Variants in CDYL observed in about 807,000 individuals in gnomAD.
CDYL encodes the protein chromodomain Y-like protein.
CDYL carries 8 observed loss-of-function variants against 47.3 expected under a neutral mutation model. That is an observed-to-expected ratio of 0.17 (90% CI 0.10 to 0.31). The LOEUF (loss-of-function observed/expected upper bound fraction) is 0.31, where lower values mean the gene tolerates loss of function less well. CDYL is among the 10% of genes least tolerant of loss of function. The pLI, the probability that CDYL is intolerant of heterozygous loss-of-function variation, is 1.00. For missense variants in CDYL, 471 were observed against 701.4 expected, an observed-to-expected ratio of 0.67 and a Z score of 3.71; for synonymous variants, 266 against 265.0, an observed-to-expected ratio of 1.00 and a Z score of -0.04.
rs1308855562 is a variant in CDYL at position 4,708,735 on chromosome 6, T to C, written c.-39+2484T>C. On this transcript the variant is annotated intron_variant, in intron 1 of 8. Transcript: ENST00000328908. The stretch of plus-strand genomic sequence containing the variant: ...TATAACCACCACTAAGGTCAAGAAA[T>C]AGGCTGGGCACAGTGGCTCACACCT... 2.0e-5 allele frequency among the ~76,000 whole-genome samples: 3 copies of C among 152,150 alleles called. No homozygotes were observed. The East Asian group carries it at 5.8e-4, about 29-fold the overall frequency.
chr6:4,941,577 C>T (rs1758361416), intron 4 of CDYL, among the ~76,000 whole-genome samples: 2 of 152,174 alleles, frequency 1.3e-5, no homozygotes, highest in South Asian at 2.1e-4. Context: ...GTGAAGTCAC[C>T]ATTCCAGGCA....
chr6:4,779,913 GTA>G (rs1758564900), intron 1 of CDYL, among the ~76,000 whole-genome samples: 1 of 152,086 alleles, frequency 6.6e-6, no homozygotes, highest in Admixed American at 6.5e-5. Flanking sequence ...AATTCACTTA[GTA>G]TATTTCATAT....
chr6:4,762,645 C>CAAAAAAA (rs1173404314), intron 3 of CDYL, among the ~76,000 whole-genome samples: 1 of 39,650 alleles, frequency 2.5e-5, no homozygotes, highest in African/African-American at 7.7e-5. Context: ...TAAAGGGTAC[C>CAAAAAAA]AAAAAAAAAA....
At chr6:4,718,723 T>C (rs1202042496) in intron 2 of CDYL, 2 of 152,250 alleles carry the variant, frequency 1.3e-5, no homozygotes, top group East Asian at 3.8e-4. Flanking sequence ...TGTTGATTCT[T>C]TTATTTGCAT....
intron 1 of CDYL, among the ~76,000 whole-genome samples, chr6:4,886,340 A>G (rs1413765921): frequency 2.6e-5 from 4 of 152,144 alleles, no homozygotes; most frequent in Non-Finnish European, 5.9e-5. Flanking sequence ...ACCATTTTAC[A>G]TTACCACAAG....
intron 2 of CDYL, among the ~76,000 whole-genome samples, chr6:4,909,882 ACTT>A (rs953090658): frequency 3.3e-5 from 5 of 151,704 alleles, no homozygotes; most frequent in African/African-American, 9.7e-5. Context: ...CAAATTTCAT[ACTT>A]CTTACTGTGG....
chr6:4,948,071 T>C (rs1758584770), intron 5 of CDYL, among the ~76,000 whole-genome samples: 1 of 152,192 alleles, frequency 6.6e-6, no homozygotes, highest in South Asian at 2.1e-4. Flanking sequence ...TTCATCGTAG[T>C]GATTACTGTA....
At chr6:4,801,718 G>A (rs1369857308) in intron 1 of CDYL, among the ~76,000 whole-genome samples, 1 of 151,964 alleles carries the variant, frequency 6.6e-6, no homozygotes, top group East Asian at 1.9e-4. Flanking sequence ...TTTATTCTGG[G>A]GATTCCCCTA....
chr6:4,747,797 C>A (rs1030215762), intron 3 of CDYL, among the ~76,000 whole-genome samples: 1 of 152,224 alleles, frequency 6.6e-6, no homozygotes, highest in African/African-American at 2.4e-5. Context: ...GCCAATACCC[C>A]AGGGAAGCTT....
At chr6:4,734,963 G>A in intron 3 of CDYL, 2 of 1,464,390 alleles carry the variant, frequency 1.4e-6, no homozygotes, top group Non-Finnish European at 1.8e-6. Context: ...GGGTCCCTTT[G>A]GTGGTCTGGT....
chr6:4,881,956 C>T (rs1761774913), intron 1 of CDYL, among the ~76,000 whole-genome samples: 1 of 152,210 alleles, frequency 6.6e-6, no homozygotes, highest in Middle Eastern at 3.2e-3. Context: ...AGACAAAAGT[C>T]ATTTCTCCTG....
At chr6:4,797,553 AT>A (rs1190162910) in intron 1 of CDYL, among the ~76,000 whole-genome samples, 1 of 151,960 alleles carries the variant, frequency 6.6e-6, no homozygotes, top group Non-Finnish European at 1.5e-5. Context: ...ATACCAGAAC[AT>A]TTTTATCCTT....
intron 1 of CDYL, among the ~76,000 whole-genome samples, chr6:4,797,823 A>G (rs1759117957): frequency 6.6e-6 from 1 of 152,206 alleles, no homozygotes; most frequent in Non-Finnish European, 1.5e-5. Context: ...TTGTTTATCC[A>G]TTCGTCACTT....
At chr6:4,773,405 A>AAAGC (rs2127426232), upstream of CDYL, among the ~76,000 whole-genome samples, 2 of 152,298 alleles carry the variant, frequency 1.3e-5, no homozygotes, top group East Asian at 3.9e-4. The surrounding 1 kb of genome is among the most constrained non-coding windows in gnomAD (Gnocchi z 4.6). Context: ...TGGTCATGGA[A>AAAGC]ACTACAGAAC....
At chr6:4,941,367 A>G (rs919159302) in intron 4 of CDYL, among the ~76,000 whole-genome samples, 1 of 152,202 alleles carries the variant, frequency 6.6e-6, no homozygotes, top group Admixed American at 6.5e-5. Context: ...GGAAGTTTCT[A>G]CTAGGCAGAG....
Position 4,937,557 on chromosome 6 carries a change from A to G in CDYL, c.949-8A>G. ...TTCTTTGCCACTTTAACTTCTGGTG[A>G]CTTTCAGGTAATGAGAGAAGTCCAG... On this transcript the variant is annotated splice_polypyrimidine_tract_variant and splice_region_variant and intron_variant, in intron 3 of 6. Coordinates refer to ENST00000397588, the MANE Select transcript of CDYL (RefSeq NM_004824.4). The G allele has an allele frequency of 6.6e-7, 1 of 1,520,346 alleles. No homozygotes were observed. The highest frequency in any genetic ancestry group is 8.8e-7 in the Non-Finnish European group (1 of 1,134,796). The allele number at this position is 1,520,346 out of a possible 1,614,324, so 94.2% of individuals were successfully genotyped here.
intron 2 of CDYL, among the ~76,000 whole-genome samples, chr6:4,934,442 C>A (rs1758126470): frequency 6.6e-6 from 1 of 152,142 alleles, no homozygotes; most frequent in African/African-American, 2.4e-5. Context: ...AATGTCCATT[C>A]ATGAGTTTTC....
intron 1 of CDYL, among the ~76,000 whole-genome samples, chr6:4,809,169 TA>T (rs577621388): frequency 6.6e-6 from 1 of 151,992 alleles, no homozygotes; most frequent in African/African-American, 2.4e-5. Context: ...TTATCTTTCT[TA>T]AAAAAAAGAG....
chr6:4,817,773 GC>G (rs2127447067), intron 1 of CDYL, among the ~76,000 whole-genome samples: 1 of 152,244 alleles, frequency 6.6e-6, no homozygotes, highest in Non-Finnish European at 1.5e-5. Context: ...GCTGGTTGCT[GC>G]GTCAGAATTA....
Sources: allele counts gnomAD v4.1 joint callset (sites outside exome capture counted in the v4.1 genomes callset), GRCh38; gene constraint gnomAD v4.1.1; non-coding constraint Gnocchi (gnomAD v3.1); transcripts MANE v1.5; gene names NCBI Gene and HGNC (gene_info 2026-07-23, HGNC 2026-07-21).